EML6: variants seen among roughly 807,000 people sequenced by gnomAD.
EML6 encodes the protein echinoderm microtubule-associated protein-like 6.
EML6 carries 154 observed loss-of-function variants against 240.1 expected under a neutral mutation model. The observed-to-expected ratio is 0.64, with a 90% CI of 0.56 to 0.73. The LOEUF is 0.73. Ranked by LOEUF, EML6 falls within the 30% of genes least tolerant of loss-of-function variation. EML6 has a pLI of 0.00. For synonymous variants in EML6, 1,148 were observed against 899.0 expected, an observed-to-expected ratio of 1.28 and a Z score of -4.95; for missense variants, 2,964 against 2,474.6, an observed-to-expected ratio of 1.20 and a Z score of -4.20.
chr2:54,814,809 T>A (rs542187536), intron 3 of EML6, among the ~76,000 whole-genome samples: 1 of 152,366 alleles, frequency 6.6e-6, no homozygotes, highest in East Asian at 1.9e-4. Context: ...ACTAGATTTA[T>A]TACATATGTA....
At chr2:54,966,862 A>G in intron 38 of EML6, 138 bp from the exon 39 acceptor site, 1 of 569,486 alleles carries the variant, frequency 1.8e-6, no homozygotes, top group Non-Finnish European at 3.2e-6. Context: ...TAGGCTTTGC[A>G]GCCTGGAGCT....
At chr2:54,859,174 G>A (rs1232097087) in intron 11 of EML6, among the ~76,000 whole-genome samples, 1 of 152,124 alleles carries the variant, frequency 6.6e-6, no homozygotes, top group African/African-American at 2.4e-5. Context: ...ATTATTTTCT[G>A]TTTCCCTGTT....
intron 2 of EML6, among the ~76,000 whole-genome samples, chr2:54,811,539 T>C (rs1477843540): frequency 6.6e-6 from 1 of 152,228 alleles, no homozygotes; most frequent in Non-Finnish European, 1.5e-5. Flanking sequence ...TTTCTTTACA[T>C]GTCTCTTTCC....
At chr2:54,958,794 C>T (rs775893252) in intron 33 of EML6, among the ~76,000 whole-genome samples, 14 of 152,182 alleles carry the variant, frequency 9.2e-5, no homozygotes, top group Non-Finnish European at 1.9e-4. Context: ...GGCCTGGAGT[C>T]TGCCCCATCC....
At chr2:54,908,176 T>G (rs1009065223) in intron 24 of EML6, among the ~76,000 whole-genome samples, 5 of 152,052 alleles carry the variant, frequency 3.3e-5, no homozygotes, top group Admixed American at 1.3e-4. Context: ...CATCCTTGAT[T>G]GCAAAGAACA....
intron 26 of EML6, among the ~76,000 whole-genome samples, chr2:54,923,367 G>GCACACACACACA (rs113101367): frequency 0.03 from 4,351 of 144,366 alleles, 119 homozygotes; most frequent in Middle Eastern, 0.069. Context: ...CTCACCAAAC[G>GCACACACACACA]CACACACACA....
At chr2:54,727,127 A>G (rs1355878449) in intron 2 of EML6, among the ~76,000 whole-genome samples, 1 of 152,230 alleles carries the variant, frequency 6.6e-6, no homozygotes, top group African/African-American at 2.4e-5. Context: ...TTTGAAGAAA[A>G]GGTGAATGAA....
intron 2 of EML6, among the ~76,000 whole-genome samples, chr2:54,792,017 G>A (rs749619399): frequency 6.6e-6 from 1 of 152,134 alleles, no homozygotes. Flanking sequence ...AGAAGCTTCC[G>A]CATAAGCAGA....
intron 5 of EML6, among the ~76,000 whole-genome samples, chr2:54,822,300 G>T (rs1668369746): frequency 1.3e-5 from 2 of 152,160 alleles, no homozygotes; most frequent in South Asian, 4.1e-4. Context: ...GGGGTAAGCT[G>T]ATAATGGTCT....
chr2:54,823,864 C>G (rs955692323), intron 5 of EML6, among the ~76,000 whole-genome samples: 1 of 147,830 alleles, frequency 6.8e-6, no homozygotes, highest in Admixed American at 6.8e-5. Flanking sequence ...CTCTCTCTCT[C>G]TCTCTCTCTC....
At chr2:54,867,153 T>C (rs1671016201) in intron 14 of EML6, 2 of 250,594 alleles carry the variant, frequency 8.0e-6, no homozygotes, top group South Asian at 2.4e-4. Flanking sequence ...AGGGTGCTGC[T>C]GCTCATTGCT....
intron 16 of EML6, among the ~76,000 whole-genome samples, chr2:54,878,405 G>A (rs1003665230): frequency 1.3e-5 from 2 of 152,162 alleles, no homozygotes; most frequent in Non-Finnish European, 1.5e-5. Context: ...CCTAGCAACC[G>A]CACAGCTAGT....
Position 54,836,724 on chromosome 2 carries a change from C to T in EML6, c.847+7247C>T, listed in dbSNP as rs111714332. ...GGGCCTGGTACTCAGGAGGGCCCTG[C>T]GGTTGGTTGCATGCTTTGCTGTCAC... is the stretch of plus-strand genomic sequence containing the variant. On this transcript the variant is annotated intron_variant, in intron 7 of 41. Transcript: ENST00000356458. Among the ~76,000 whole-genome samples, 854 of 152,254 alleles carry T rather than the reference C, an allele frequency of 5.6e-3. 11 individuals are homozygous for T. The highest frequency in any genetic ancestry group is 0.019 in the African/African-American group (807 of 41,546).
chr2:54,800,485 A>T (rs572988422), intron 2 of EML6, among the ~76,000 whole-genome samples: 1 of 152,276 alleles, frequency 6.6e-6, no homozygotes, highest in East Asian at 1.9e-4. Flanking sequence ...CATCAAACAT[A>T]TCCTAAAATA....
intron 4 of EML6, among the ~76,000 whole-genome samples, chr2:54,818,680 C>G (rs1418429293): frequency 6.6e-6 from 1 of 152,182 alleles, no homozygotes; most frequent in East Asian, 1.9e-4. Flanking sequence ...GTTTCAGTGA[C>G]TGTGCATGTG....
intron 17 of EML6, among the ~76,000 whole-genome samples, chr2:54,890,281 T>C (rs1333797422): frequency 1.3e-5 from 2 of 152,236 alleles, no homozygotes; most frequent in African/African-American, 4.8e-5. Context: ...ATATTTATGA[T>C]GTTTGTCTCT....
intron 21 of EML6, among the ~76,000 whole-genome samples, chr2:54,897,183 G>A (rs1338677741): frequency 6.6e-6 from 1 of 152,118 alleles, no homozygotes; most frequent in Non-Finnish European, 1.5e-5. Flanking sequence ...GCCCCAATAT[G>A]ATTTAAATAA....
intron 2 of EML6, among the ~76,000 whole-genome samples, chr2:54,809,018 A>G (rs187157094): frequency 9.8e-5 from 15 of 152,346 alleles, no homozygotes; most frequent in East Asian, 7.7e-4. Context: ...GTTGCCATAT[A>G]TAAAATACAA....
At chr2:54,889,228 T>A (rs1672323625) in intron 17 of EML6, among the ~76,000 whole-genome samples, 2 of 152,066 alleles carry the variant, frequency 1.3e-5, no homozygotes, top group African/African-American at 4.8e-5. Context: ...CTAGGAGAGC[T>A]ACTCTCTGCA....
Sources: gnomAD v4.1 joint callset for allele counts (sites outside exome capture counted in the v4.1 genomes callset) on GRCh38, gnomAD v4.1.1 for gene constraint, MANE v1.5 for transcripts, NCBI Gene and HGNC (gene_info 2026-07-23, HGNC 2026-07-21) for gene names.